The following ERICH2 variants were observed in gnomAD, a reference collection of about 807,000 sequenced individuals.
The protein encoded by ERICH2 is glutamate rich 2.
In ERICH2, 17 loss-of-function variants were observed where a neutral mutation model predicts 17.4. That is an observed-to-expected ratio of 0.98 (90% CI 0.67 to 1.47). The LOEUF (loss-of-function observed/expected upper bound fraction) is 1.47, where lower values mean the gene tolerates loss of function less well. ERICH2 is among the 40% of genes most tolerant of loss of function. The pLI is 0.00. For missense variants in ERICH2, 186 were observed against 183.2 expected, an observed-to-expected ratio of 1.01 and a Z score of -0.09; for synonymous variants, 51 against 61.1, an observed-to-expected ratio of 0.83 and a Z score of 0.77.
the ERICH2 span, among the ~76,000 whole-genome samples, chr2:170,775,101 C>G: frequency 6.8e-6 from 1 of 146,708 alleles, no homozygotes; most frequent in Non-Finnish European, 1.5e-5. Flanking sequence ...TGTTGCAATC[C>G]CTGAAGATCC....
the ERICH2 span, chr2:170,778,074 A>T: frequency 6.2e-6 from 1 of 161,606 alleles, no homozygotes; most frequent in Non-Finnish European, 1.3e-5. Context: ...AATTGTTACT[A>T]CTCAATAAAG....
chr2:170,795,465 G>A (rs200130895), intron 3 of ERICH2, among the ~76,000 whole-genome samples: 4 of 151,902 alleles, frequency 2.6e-5, no homozygotes, highest in Admixed American at 1.3e-4. Context: ...CTACCACCTC[G>A]GCCTCTCAAG....
chr2:170,790,084 A>T (rs938466333), intron 2 of ERICH2, among the ~76,000 whole-genome samples: 1 of 152,260 alleles, frequency 6.6e-6, no homozygotes. Flanking sequence ...TACTGATCAC[A>T]TTCCCTGTCC....
At chr2:170,798,069 G>A (rs1419357903) in exon 4 of ERICH2, 1 of 1,549,376 alleles carries the variant, frequency 6.5e-7, no homozygotes, top group Non-Finnish European at 8.7e-7. Context: ...AAAATCCTGA[G>A]GCCAAGGAGT....
chr2:170,773,248 G>T, the ERICH2 span, among the ~76,000 whole-genome samples: 1 of 152,224 alleles, frequency 6.6e-6, no homozygotes, highest in Non-Finnish European at 1.5e-5. Flanking sequence ...ACTGTAAACT[G>T]ATTTCTTCCC....
intron 3 of ERICH2, among the ~76,000 whole-genome samples, chr2:170,793,797 T>C (rs982269287): frequency 6.6e-6 from 1 of 152,240 alleles, no homozygotes; most frequent in African/African-American, 2.4e-5. Flanking sequence ...TGGTTTTTAA[T>C]GGTTTGACTT....
exon 3 of ERICH2, chr2:170,792,878 A>C (rs867305307): frequency 1.3e-6 from 2 of 1,516,764 alleles, no homozygotes; most frequent in African/African-American, 2.8e-5. Context: ...GAGAGCAGAA[A>C]TGGCCCGAGA....
At chr2:170,790,571 G>A (rs978963205) in intron 2 of ERICH2, among the ~76,000 whole-genome samples, 7 of 152,194 alleles carry the variant, frequency 4.6e-5, no homozygotes, top group Non-Finnish European at 1.0e-4. Flanking sequence ...AGATTGCAGT[G>A]AGCCGAGATG....
rs1166553581 is a variant in ERICH2 at position 170,796,448 on chromosome 2, T to TG, written c.275-1593_275-1592insG. 1.8e-4 allele frequency among the ~76,000 whole-genome samples: 23 copies of TG among 126,598 alleles called. 1 individual carries two copies. Among genetic ancestry groups the TG allele is most frequent in the Non-Finnish European group, 3.3e-4 (19 of 56,854 alleles). The allele number at this position is 126,598 out of a possible 152,430, so 83.1% of individuals were successfully genotyped here. ...TCTTTGTTTTTTTTTTTGTTTTTTTTTTTTTGAGACAGCGTCTCCCTCAGT... is the reference window on the plus strand; with the variant it reads ...TCTTTGTTTTTTTTTTTGTTTTTTTTGTTTTTGAGACAGCGTCTCCCTCAGT... On this transcript the variant is annotated intron_variant, in intron 3 of 4. Coordinates refer to ENST00000409885, the Ensembl canonical transcript of ERICH2.
intron 1 of ERICH2, among the ~76,000 whole-genome samples, chr2:170,784,029 A>G (rs1334763284): frequency 2.0e-5 from 3 of 152,168 alleles, no homozygotes; most frequent in Admixed American, 2.0e-4. Context: ...ATTGTCTTCT[A>G]TGAAGCTCTC....
At chr2:170,776,927 C>T in the ERICH2 span, among the ~76,000 whole-genome samples, 8 of 151,500 alleles carry the variant, frequency 5.3e-5, no homozygotes, top group African/African-American at 1.9e-4. Flanking sequence ...CTCCCCACCC[C>T]GTCCCCCAGA....
the ERICH2 span, chr2:170,777,650 T>C: frequency 3.2e-6 from 4 of 1,233,720 alleles, no homozygotes; most frequent in Admixed American, 4.2e-5. Flanking sequence ...TCAGAAAAAG[T>C]GATGATTGAA....
chr2:170,777,972 C>G, the ERICH2 span: 1 of 313,210 alleles, frequency 3.2e-6, no homozygotes, highest in Non-Finnish European at 5.8e-6. Context: ...TTTCATTGCT[C>G]ATTCCTATTT....
chr2:170,788,685 G>A (rs541347904), intron 2 of ERICH2, among the ~76,000 whole-genome samples: 1 of 152,102 alleles, frequency 6.6e-6, no homozygotes, highest in East Asian at 1.9e-4. Context: ...CACCATGTTG[G>A]CCAGGATGGT....
intron 2 of ERICH2, among the ~76,000 whole-genome samples, chr2:170,790,543 C>G (rs1178356190): frequency 1.3e-5 from 2 of 152,240 alleles, no homozygotes; most frequent in Non-Finnish European, 2.9e-5. Context: ...AGGAGAATCT[C>G]TTGAACCTGG....
the ERICH2 span, chr2:170,777,368 C>A: frequency 9.1e-7 from 1 of 1,099,958 alleles, no homozygotes; most frequent in Non-Finnish European, 1.1e-6. Context: ...ATTTCTGCTT[C>A]TATTTTAGAC....
At chr2:170,797,478 A>T (rs1701452509) in intron 3 of ERICH2, among the ~76,000 whole-genome samples, 1 of 152,114 alleles carries the variant, frequency 6.6e-6, no homozygotes, top group South Asian at 2.1e-4. Flanking sequence ...GGTGATAGAG[A>T]TTGCTTTCTA....
chr2:170,782,298 T>C, upstream of ERICH2: 1 of 959,042 alleles, frequency 1.0e-6, no homozygotes, highest in African/African-American at 1.8e-5. Flanking sequence ...CTACTGAAAA[T>C]AGAGTATCTT....
upstream of ERICH2, chr2:170,782,107 G>T (rs959338301): frequency 6.8e-6 from 1 of 147,248 alleles, no homozygotes; most frequent in South Asian, 2.2e-4. Flanking sequence ...CCACAAAGAA[G>T]ATACTACATT....
Sources: allele counts gnomAD v4.1 joint callset (sites outside exome capture counted in the v4.1 genomes callset), GRCh38; gene constraint gnomAD v4.1.1; transcripts MANE v1.5; gene names NCBI Gene and HGNC (gene_info 2026-07-23, HGNC 2026-07-21).